CLVS1: variants seen among roughly 807,000 people sequenced by gnomAD.
The protein encoded by CLVS1 is clavesin 1, also known as clavesin-1.
In CLVS1, 10 loss-of-function variants were observed where a neutral mutation model predicts 33.1. The ratio of observed to expected loss-of-function variants is 0.30; its 90% CI spans 0.19 to 0.51. The LOEUF (loss-of-function observed/expected upper bound fraction) is 0.51. Ranked by LOEUF, CLVS1 falls within the 20% of genes least tolerant of loss-of-function variation. The pLI, the probability that CLVS1 is intolerant of heterozygous loss-of-function variation, is 0.97. For missense variants in CLVS1, 343 were observed against 433.4 expected, an observed-to-expected ratio of 0.79 and a Z score of 1.85; for synonymous variants, 163 against 166.1, an observed-to-expected ratio of 0.98 and a Z score of 0.14.
chr8:60,997,385 C>T, the CLVS1 span, among the ~76,000 whole-genome samples: 1 of 152,212 alleles, frequency 6.6e-6, no homozygotes, highest in East Asian at 1.9e-4. Context: ...TACAGCACAA[C>T]ACAGCCTCAG....
At chr8:61,114,408 C>T (rs540952808) in intron 1 of CLVS1, among the ~76,000 whole-genome samples, 4 of 152,150 alleles carry the variant, frequency 2.6e-5, no homozygotes, top group Non-Finnish European at 2.9e-5. Flanking sequence ...AGCTAGTCTT[C>T]TAGACAAATG....
At chr8:61,177,087 G>A (rs970712955) in intron 2 of CLVS1, among the ~76,000 whole-genome samples, 4 of 152,272 alleles carry the variant, frequency 2.6e-5, no homozygotes, top group African/African-American at 7.2e-5. Context: ...GGGCGGGGCG[G>A]GGGGGCAAAG....
intron 1 of CLVS1, among the ~76,000 whole-genome samples, chr8:61,127,562 G>C (rs1265818685): frequency 6.6e-6 from 1 of 152,102 alleles, no homozygotes; most frequent in African/African-American, 2.4e-5. Context: ...TACCTATACA[G>C]TGGGGAAAAA....
At chr8:61,159,027 C>T (rs985910757) in intron 2 of CLVS1, among the ~76,000 whole-genome samples, 1 of 152,032 alleles carries the variant, frequency 6.6e-6, no homozygotes, top group Admixed American at 6.5e-5. Context: ...AGCCACCATG[C>T]TATAATTAAA....
the CLVS1 span, among the ~76,000 whole-genome samples, chr8:61,023,826 A>G: frequency 2.6e-5 from 4 of 152,260 alleles, no homozygotes; most frequent in Admixed American, 2.6e-4. Context: ...CGCTGTGCTC[A>G]CAGCTTCTTT....
chr8:60,979,588 G>A, the CLVS1 span, among the ~76,000 whole-genome samples: 4 of 152,214 alleles, frequency 2.6e-5, no homozygotes, highest in Non-Finnish European at 5.9e-5. Flanking sequence ...TGTGTATTGA[G>A]GGTTTTGTGT....
the CLVS1 span, among the ~76,000 whole-genome samples, chr8:61,026,369 G>C: frequency 2.0e-5 from 3 of 152,216 alleles, no homozygotes; most frequent in Non-Finnish European, 4.4e-5. Flanking sequence ...AGAACTGTGA[G>C]ACAATAAATG....
chr8:61,475,901 G>T (rs1817909311), intron 5 of CLVS1, among the ~76,000 whole-genome samples: 1 of 152,140 alleles, frequency 6.6e-6, no homozygotes, highest in South Asian at 2.1e-4. Context: ...TATTGCCTAG[G>T]TTTTCTTCTA....
chr8:61,092,343 C>T (rs1397046582), intron 1 of CLVS1, among the ~76,000 whole-genome samples: 1 of 152,180 alleles, frequency 6.6e-6, no homozygotes, highest in African/African-American at 2.4e-5. Flanking sequence ...TACAGATTGG[C>T]AACAGCAGGA....
At chr8:61,497,446 G>GGT (rs140802781) in intron 5 of CLVS1, among the ~76,000 whole-genome samples, 1 of 148,420 alleles carries the variant, frequency 6.7e-6, no homozygotes, top group Non-Finnish European at 1.5e-5. Flanking sequence ...TTTTATTGGG[G>GGT]GGGGGGTGTC....
chr8:61,118,220 C>A (rs1418757473), intron 1 of CLVS1, among the ~76,000 whole-genome samples: 2 of 151,976 alleles, frequency 1.3e-5, no homozygotes, highest in African/African-American at 4.8e-5. Context: ...GTGGTGATAT[C>A]CCCTTTATCA....
At chr8:61,053,473 T>G (rs549516502), upstream of CLVS1, among the ~76,000 whole-genome samples, 33 of 152,352 alleles carry the variant, frequency 2.2e-4, no homozygotes, top group African/African-American at 7.9e-4. Context: ...TCAACTATGA[T>G]AAGGTCTAAA....
chr8:61,339,779 G>T (rs1490760027), intron 2 of CLVS1, among the ~76,000 whole-genome samples: 1 of 116,058 alleles, frequency 8.6e-6, no homozygotes, highest in African/African-American at 3.0e-5. Context: ...GGGAAGGAAA[G>T]AAAACAAGAA....
chr8:61,438,144 C>T (rs1816409791), intron 3 of CLVS1, among the ~76,000 whole-genome samples: 1 of 152,154 alleles, frequency 6.6e-6, no homozygotes, highest in African/African-American at 2.4e-5. Flanking sequence ...GCCCAGCATG[C>T]ATTAGCTATT....
At chr8:61,199,320 A>G (rs191814543) in intron 2 of CLVS1, among the ~76,000 whole-genome samples, 7 of 152,344 alleles carry the variant, frequency 4.6e-5, no homozygotes, top group Admixed American at 2.0e-4. Flanking sequence ...TAAACAGACA[A>G]CCTAAAGAAT....
At chr8:61,422,041 T>A (rs1449708024) in intron 3 of CLVS1, among the ~76,000 whole-genome samples, 1 of 152,112 alleles carries the variant, frequency 6.6e-6, no homozygotes, top group Non-Finnish European at 1.5e-5. Context: ...TGGAAAATAG[T>A]GTGAACTGGA....
chr8:61,035,512 C>A, the CLVS1 span, among the ~76,000 whole-genome samples: 1 of 152,072 alleles, frequency 6.6e-6, no homozygotes, highest in African/African-American at 2.4e-5. Flanking sequence ...TGTGGCCGGC[C>A]CCGGGCGTCT....
chr8:61,162,305 A>G (rs765518092), intron 2 of CLVS1, among the ~76,000 whole-genome samples: 5 of 152,234 alleles, frequency 3.3e-5, no homozygotes, highest in Non-Finnish European at 5.9e-5. Context: ...ATAAATTTGT[A>G]TGCTTTTTCT....
chr8:61,259,217 C>G (rs981195389), intron 2 of CLVS1, among the ~76,000 whole-genome samples: 4 of 152,138 alleles, frequency 2.6e-5, no homozygotes, highest in African/African-American at 9.7e-5. Flanking sequence ...CTTGGAAAGT[C>G]AAGCTGTTTT....
Sources: allele counts gnomAD v4.1 joint callset (sites outside exome capture counted in the v4.1 genomes callset), GRCh38; gene constraint gnomAD v4.1.1; transcripts MANE v1.5; gene names NCBI Gene and HGNC (gene_info 2026-07-23, HGNC 2026-07-21).